The following DNAH12 variants were observed in gnomAD, a reference collection of about 807,000 sequenced individuals.
The protein encoded by DNAH12 is axonemal beta dynein heavy chain 12.
Under a neutral mutation model 371.5 loss-of-function variants are expected in DNAH12, and 285 were observed. The ratio of observed to expected loss-of-function variants is 0.77; its 90% CI spans 0.70 to 0.85. The LOEUF (loss-of-function observed/expected upper bound fraction) is 0.85. Among genes scored for constraint, DNAH12 ranks in the 40% least tolerant of loss-of-function variants. DNAH12 has a pLI of 0.00. For missense variants in DNAH12, 3,611 were observed against 3,689.4 expected, an observed-to-expected ratio of 0.98 and a Z score of 0.55; for synonymous variants, 1,200 against 1,213.0, an observed-to-expected ratio of 0.99 and a Z score of 0.22.
At chr3:57,436,703 G>A (rs1302117893) in intron 30 of DNAH12, among the ~76,000 whole-genome samples, 1 of 152,150 alleles carries the variant, frequency 6.6e-6, no homozygotes, top group African/African-American at 2.4e-5. Context: ...AGGGAAGAGT[G>A]TGTTTTTATG....
chr3:57,504,793 G>T (rs955750572), intron 8 of DNAH12, among the ~76,000 whole-genome samples: 1 of 152,076 alleles, frequency 6.6e-6, no homozygotes, highest in Non-Finnish European at 1.5e-5. Flanking sequence ...ATTATGTTTT[G>T]CTGTAGTTAC....
At chr3:57,551,485 A>G in the DNAH12 span, among the ~76,000 whole-genome samples, 1 of 151,580 alleles carries the variant, frequency 6.6e-6, no homozygotes, top group African/African-American at 2.4e-5. Flanking sequence ...GTTAGCCAGG[A>G]TGGTCTCAAT....
At position 57,458,158 on chromosome 3, in the gene DNAH12, CA is replaced by C. The variant is rs2065955028; in HGVS notation, c.2993del (p.Leu998TrpfsTer5). ...CGTTAAGACCTTTCATAATTTTCTC[CA>C]AAAGTTCATTGCAGTTCTGTAGTTT... ...LEKLQNCNEL[L>X]EKIMKGLNAY... On this transcript the variant is annotated frameshift_variant, in exon 21 of 74. Transcript: ENST00000495027. LOFTEE classifies it high-confidence loss of function. 6.5e-7 allele frequency: 1 copy of C among 1,550,108 alleles called. No individual in the cohort carries two copies. Among genetic ancestry groups the C allele is most frequent in the Non-Finnish European group, 8.7e-7 (1 of 1,146,650 alleles).
chr3:57,346,000 G>A (rs2062533304), intron 60 of DNAH12, among the ~76,000 whole-genome samples: 1 of 151,964 alleles, frequency 6.6e-6, no homozygotes, highest in African/African-American at 2.4e-5. Flanking sequence ...AACCCATGTT[G>A]TTCAAGGGTC....
intron 30 of DNAH12, among the ~76,000 whole-genome samples, chr3:57,436,170 GTAAATA>G (rs1171002348): frequency 1.3e-5 from 2 of 151,874 alleles, no homozygotes; most frequent in African/African-American, 4.8e-5. Flanking sequence ...GGCTCTCTAA[GTAAATA>G]TAAATATATA....
intron 42 of DNAH12, among the ~76,000 whole-genome samples, chr3:57,403,743 T>C (rs1409347145): frequency 6.6e-6 from 1 of 152,168 alleles, no homozygotes; most frequent in African/African-American, 2.4e-5. Flanking sequence ...ATACAAGTTA[T>C]ACAAATAAAA....
intron 62 of DNAH12, among the ~76,000 whole-genome samples, chr3:57,328,344 T>C (rs1212789034): frequency 6.2e-3 from 698 of 112,786 alleles, no homozygotes; most frequent in South Asian, 0.013. Flanking sequence ...CAGCAGCACA[T>C]CAAAAAGCTT....
intron 4 of DNAH12, among the ~76,000 whole-genome samples, chr3:57,521,853 C>A (rs1334344694): frequency 6.6e-6 from 1 of 152,068 alleles, no homozygotes; most frequent in Non-Finnish European, 1.5e-5. Context: ...CACCACTGCA[C>A]GCCAGCCTAG....
At chr3:57,370,745 A>G (rs991907543) in intron 55 of DNAH12, among the ~76,000 whole-genome samples, 4 of 152,200 alleles carry the variant, frequency 2.6e-5, no homozygotes, top group Admixed American at 6.5e-5. Flanking sequence ...ACAGAAAAAC[A>G]CAGGTGCCCA....
chr3:57,473,998 C>T (rs1260011322), intron 13 of DNAH12, among the ~76,000 whole-genome samples: 1 of 152,040 alleles, frequency 6.6e-6, no homozygotes, highest in Non-Finnish European at 1.5e-5. Context: ...GCAAAAGTAC[C>T]TGTATAAAAC....
At chr3:57,402,576 G>A in intron 43 of DNAH12, 1 of 622,412 alleles carries the variant, frequency 1.6e-6, no homozygotes, top group Non-Finnish European at 2.4e-6. Flanking sequence ...AGTGGCACAA[G>A]CCAGGTACAG....
At chr3:57,360,465 G>C (rs1205551930) in intron 58 of DNAH12, among the ~76,000 whole-genome samples, 1 of 152,114 alleles carries the variant, frequency 6.6e-6, no homozygotes, top group Non-Finnish European at 1.5e-5. Flanking sequence ...AAGGCAGGCG[G>C]ATCACCTGAG....
intron 27 of DNAH12, 142 bp from the exon 28 acceptor site, chr3:57,445,561 G>T: frequency 1.4e-6 from 1 of 699,046 alleles, no homozygotes. Context: ...TTTTTTAGTA[G>T]TACTTTTAAT....
Position 57,310,835 on chromosome 3 carries a change from A to T in DNAH12, c.10778T>A (p.Met3593Lys). Residue 3593 changes from methionine (M) to lysine (K), a missense_variant, in exon 67 of 74, where the codon ATG (methionine) becomes AAG (lysine). Transcript: ENST00000495027. ...DDWDRRLLLTMLADFYNLYIV... is the reference protein window; with the variant it reads ...DDWDRRLLLTKLADFYNLYIV... ...GTACAGATTATAAAAGTCAGCCAGCATGGTTAATAGAAGACGTCTGTCCCA... is the reference window on the plus strand; with the variant it reads ...GTACAGATTATAAAAGTCAGCCAGCTTGGTTAATAGAAGACGTCTGTCCCA... 1 of 1,551,662 alleles carries T rather than the reference A, an allele frequency of 6.4e-7. No individual in the cohort carries two copies. Among genetic ancestry groups the T allele is most frequent in the African/African-American group, 1.4e-5 (1 of 73,192 alleles).
chr3:57,452,789 G>T, intron 25 of DNAH12, 54 bp downstream of exon 25: 2 of 1,464,336 alleles, frequency 1.4e-6, no homozygotes, highest in Non-Finnish European at 9.1e-7. Flanking sequence ...AAAAGATGAC[G>T]CTACAGCAAA....
Position 57,405,246 on chromosome 3 carries a change from G to C in DNAH12, c.6577-99C>G. On this transcript the variant is annotated intron_variant, in intron 41 of 73. Coordinates refer to ENST00000495027, the MANE Select transcript of DNAH12 (RefSeq NM_001366028.2). Reference sequence around the variant, plus strand: ...TTCATCCATGTTATAAAGTAATTAAGTTTTTAAACATTAGGGTAGTAAAAA... The same window carrying C: ...TTCATCCATGTTATAAAGTAATTAACTTTTTAAACATTAGGGTAGTAAAAA... 2.8e-6 allele frequency: 3 copies of C among 1,065,346 alleles called. No individual in the cohort carries two copies. In the South Asian group the frequency reaches 5.3e-5, roughly 19 times the overall value. The allele number at this position is 1,065,346 out of a possible 1,614,324, so 66.0% of individuals were successfully genotyped here. A position where few individuals can be genotyped will look rare whatever the true frequency, so the allele number is the denominator to read the frequency against.
chr3:57,401,699 A>G (rs1331127844), intron 43 of DNAH12, among the ~76,000 whole-genome samples: 1 of 152,092 alleles, frequency 6.6e-6, no homozygotes, highest in Non-Finnish European at 1.5e-5. Context: ...AGGAAATAAT[A>G]AAGATTAGAG....
At chr3:57,373,318 AT>A (rs36162551) in intron 55 of DNAH12, among the ~76,000 whole-genome samples, 73,718 of 144,062 alleles carry the variant, frequency 0.51, 19,669 homozygotes, top group Non-Finnish European at 0.63. Flanking sequence ...TACTCAACTG[AT>A]TTTTTTTTTT....
At chr3:57,447,627 CAA>C (rs2065555588) in intron 25 of DNAH12, among the ~76,000 whole-genome samples, 3 of 152,038 alleles carry the variant, frequency 2.0e-5, no homozygotes, top group East Asian at 3.9e-4. Flanking sequence ...TTTAAAAATC[CAA>C]GAGAGACAGC....
Sources: gnomAD v4.1 joint callset for allele counts (sites outside exome capture counted in the v4.1 genomes callset) on GRCh38, gnomAD v4.1.1 for gene constraint, MANE v1.5 for transcripts, NCBI Gene and HGNC (gene_info 2026-07-23, HGNC 2026-07-21) for gene names.